PPP1R1C: variants seen among roughly 807,000 people sequenced by gnomAD.
PPP1R1C encodes protein phosphatase 1 regulatory inhibitor subunit 1C.
A neutral mutation model predicts 17.4 loss-of-function variants in PPP1R1C; 15 were observed. That is an observed-to-expected ratio of 0.86 (90% CI 0.58 to 1.33). The LOEUF is 1.33. Among genes scored for constraint, PPP1R1C ranks in the 40% most tolerant of loss-of-function variants. The pLI, the probability that PPP1R1C is intolerant of heterozygous loss-of-function variation, is 0.00. For missense variants in PPP1R1C, 143 were observed against 130.0 expected, an observed-to-expected ratio of 1.10 and a Z score of -0.48; for synonymous variants, 35 against 43.1, an observed-to-expected ratio of 0.81 and a Z score of 0.73.
At chr2:182,107,998 C>T (rs185800753) in intron 4 of PPP1R1C, among the ~76,000 whole-genome samples, 14 of 152,038 alleles carry the variant, frequency 9.2e-5, no homozygotes, top group African/African-American at 1.4e-4. Flanking sequence ...GAAATTCTTC[C>T]GTCTGTTTTC....
rs143158564 is a variant in PPP1R1C at position 182,034,346 on chromosome 2, G to A, written c.143-27096G>A. 6.3e-3 allele frequency among the ~76,000 whole-genome samples: 954 copies of A among 151,884 alleles called. 4 individuals carry two copies. The highest frequency in any genetic ancestry group is 0.021 in the African/African-American group (888 of 41,402). On this transcript the variant is annotated intron_variant, in intron 2 of 4. Transcript: ENST00000682840. ...GTAGCTTAGTCTAGGTGGTCCAAGA[G>A]GGCTCAGTCATGGAATTAATACTTT...
chr2:182,112,179 G>A (rs545003732), intron 4 of PPP1R1C, among the ~76,000 whole-genome samples: 1 of 152,130 alleles, frequency 6.6e-6, no homozygotes, highest in Non-Finnish European at 1.5e-5. Flanking sequence ...CACAGTAGGG[G>A]CTTTATTATA....
intron 4 of PPP1R1C, among the ~76,000 whole-genome samples, chr2:182,111,926 G>A (rs571979865): frequency 6.6e-6 from 1 of 152,088 alleles, no homozygotes; most frequent in South Asian, 2.1e-4. Context: ...AAAAGTTTTT[G>A]CGATAGGCAC....
intron 2 of PPP1R1C, among the ~76,000 whole-genome samples, chr2:182,032,286 T>C (rs1292114110): frequency 3.9e-5 from 6 of 152,222 alleles, no homozygotes. Context: ...TGGTTAACTT[T>C]TTCACCTCTT....
intron 4 of PPP1R1C, among the ~76,000 whole-genome samples, chr2:182,080,977 G>T (rs1414795726): frequency 6.6e-6 from 1 of 152,276 alleles, no homozygotes. Flanking sequence ...CCATGGTCAA[G>T]AAATACTAGT....
At chr2:182,016,179 A>G (rs1193261400) in intron 2 of PPP1R1C, among the ~76,000 whole-genome samples, 3 of 152,048 alleles carry the variant, frequency 2.0e-5, no homozygotes, top group Non-Finnish European at 2.9e-5. Context: ...AAGACTCACA[A>G]TCTCTGAACT....
chr2:182,036,180 T>G (rs1191283065), intron 2 of PPP1R1C, among the ~76,000 whole-genome samples: 1 of 152,204 alleles, frequency 6.6e-6, no homozygotes, highest in Non-Finnish European at 1.5e-5. Flanking sequence ...TCTTACAATC[T>G]CTGTAACTCT....
chr2:181,983,448 T>C (rs1199132101), upstream of PPP1R1C, among the ~76,000 whole-genome samples: 1 of 152,224 alleles, frequency 6.6e-6, no homozygotes, highest in Non-Finnish European at 1.5e-5. Context: ...TAAGGGTTAA[T>C]TATTACTCTT....
At chr2:182,116,235 G>C (rs2125237312) in intron 4 of PPP1R1C, among the ~76,000 whole-genome samples, 1 of 152,264 alleles carries the variant, frequency 6.6e-6, no homozygotes, top group South Asian at 2.1e-4. Flanking sequence ...CCTACTGTTT[G>C]CTAGGCACTG....
intron 4 of PPP1R1C, among the ~76,000 whole-genome samples, chr2:182,082,682 T>C (rs180952296): frequency 4.6e-5 from 7 of 152,284 alleles, no homozygotes; most frequent in South Asian, 2.1e-4. Context: ...AATTTCAAGA[T>C]TGATCTATTT....
At chr2:182,120,117 C>T (rs1027290917), downstream of PPP1R1C, among the ~76,000 whole-genome samples, 3 of 152,128 alleles carry the variant, frequency 2.0e-5, no homozygotes, top group African/African-American at 7.2e-5. Context: ...TTTCAGCTTT[C>T]TACATATGGC....
Position 181,985,968 on chromosome 2 carries a change from TTGCTCGA to T in PPP1R1C, c.-141_-135del. 2.9e-6 allele frequency: 2 copies of T among 686,266 alleles called. No individual in the cohort carries two copies. The highest frequency in any genetic ancestry group is 3.5e-5 in the South Asian group (2 of 57,038). The allele number at this position is 686,266 out of a possible 1,614,324, so 42.5% of individuals were successfully genotyped here. ...GTTACTCAAACCTCGGCATCTTCAC[TTGCTCGA>T]TCTGGAATTACAGCTATTTATTACG... On this transcript the variant is annotated 5_prime_UTR_variant, in exon 1 of 5. An upstream open reading frame in the 5' UTR loses its in-frame stop. Coordinates refer to ENST00000682840, the MANE Select transcript of PPP1R1C (RefSeq NM_001080545.3). The surrounding 1 kb of genome is among the most constrained non-coding windows in gnomAD (Gnocchi z 4.1).
chr2:182,022,404 A>G (rs1018217647), intron 2 of PPP1R1C, among the ~76,000 whole-genome samples: 13 of 152,196 alleles, frequency 8.5e-5, no homozygotes, highest in Admixed American at 2.0e-4. Context: ...AACCTGTAGG[A>G]AAGTAATAAG....
At chr2:182,022,902 C>A (rs1336863625) in intron 2 of PPP1R1C, among the ~76,000 whole-genome samples, 6 of 152,140 alleles carry the variant, frequency 3.9e-5, no homozygotes. Flanking sequence ...CCCCACTCAT[C>A]CTTAGACATA....
At chr2:182,079,078 A>G (rs1397905048) in intron 4 of PPP1R1C, among the ~76,000 whole-genome samples, 1 of 152,256 alleles carries the variant, frequency 6.6e-6, no homozygotes, top group Non-Finnish European at 1.5e-5. Flanking sequence ...TCAGAAATAT[A>G]GTTGACTCTA....
At chr2:181,993,627 T>C (rs752459196) in intron 2 of PPP1R1C, among the ~76,000 whole-genome samples, 9 of 152,150 alleles carry the variant, frequency 5.9e-5, no homozygotes, top group Non-Finnish European at 1.0e-4. Flanking sequence ...TTTTAAGAAA[T>C]TGTAAAAAAG....
At position 181,961,967 on chromosome 2, in the gene PPP1R1C, T is replaced by C. The variant is rs2125130812; in HGVS notation, n.111+7333T>C. 4.1e-6 allele frequency: 3 copies of C among 736,070 alleles called. No homozygotes were observed. In the East Asian group the frequency reaches 7.8e-5, roughly 19 times the overall value. 45.6% of individuals were successfully genotyped at this position (736,070 alleles called of 1,614,324 possible). A position where few individuals can be genotyped will look rare whatever the true frequency, so the allele number is the denominator to read the frequency against. The stretch of plus-strand genomic sequence containing the variant: ...CCCCACAGACGGGTGCATGGCCAGC[T>C]CTGTCTCATACTTGACTCTAAAGTC... On this transcript the variant is annotated intron_variant and non_coding_transcript_variant, in intron 1 of 5. Coordinates refer to the PPP1R1C transcript ENST00000464264. This position sits in a 1 kb window ranked among gnomAD's most constrained non-coding sequence, Gnocchi z 5.8.
At chr2:181,984,280 G>A (rs553902463), upstream of PPP1R1C, among the ~76,000 whole-genome samples, 1 of 152,288 alleles carries the variant, frequency 6.6e-6, no homozygotes, top group Non-Finnish European at 1.5e-5. Flanking sequence ...TTGGTAAGTA[G>A]CAGAGCTAGA....
At chr2:182,046,114 TTCCTTCCTTCCTTCCTTCC>T (rs1192589980) in intron 2 of PPP1R1C, among the ~76,000 whole-genome samples, 12 of 24,876 alleles carry the variant, frequency 4.8e-4, no homozygotes, top group Non-Finnish European at 1.7e-3. Flanking sequence ...CCTTCCTTCC[TTCCTTCCTTCCTTCCTTCC>T]TTCCTTCTTC....
Sources: allele counts gnomAD v4.1 joint callset (sites outside exome capture counted in the v4.1 genomes callset), GRCh38; gene constraint gnomAD v4.1.1; non-coding constraint Gnocchi (gnomAD v3.1); transcripts MANE v1.5; gene names NCBI Gene and HGNC (gene_info 2026-07-23, HGNC 2026-07-21).